EXD1: variants seen among roughly 807,000 people sequenced by gnomAD.
The protein encoded by EXD1 is exonuclease 3'-5' domain containing 1.
Under a neutral mutation model 49.1 loss-of-function variants are expected in EXD1, and 63 were observed. That is an observed-to-expected ratio of 1.28 (90% confidence interval 1.05 to 1.58). EXD1 has a LOEUF of 1.58. Among genes scored for constraint, EXD1 ranks in the 40% most tolerant of loss-of-function variants. The pLI, the probability that EXD1 is intolerant of heterozygous loss-of-function variation, is 0.00. For missense variants in EXD1, 748 were observed against 666.0 expected (o/e 1.12, Z -1.36); for synonymous variants, 234 against 239.2 (o/e 0.98, Z 0.20).
rs61738065 is a variant in EXD1, at chr15:41,230,653, C to T, written c.-228G>A. On this transcript the variant is annotated 5_prime_UTR_variant, in exon 1 of 12. Transcript: ENST00000458580. ...TCTCGGGACGCTCCACGCCACCCGGCGGCGGTTATCAAATCACAGGCTGAA... is the reference window on the plus strand; with the variant it reads ...TCTCGGGACGCTCCACGCCACCCGGTGGCGGTTATCAAATCACAGGCTGAA... 2.4e-6 allele frequency: 3 copies of T among 1,233,452 alleles called. No homozygotes were observed. Among genetic ancestry groups the T allele is most frequent in the East Asian group, 4.9e-5 (2 of 40,816 alleles). The allele number at this position is 1,233,452 out of a possible 1,614,324, so 76.4% of individuals were successfully genotyped here.
At chr15:41,196,828 A>G (rs1377894471) in intron 7 of EXD1, among the ~76,000 whole-genome samples, 3 of 151,100 alleles carry the variant, frequency 2.0e-5, no homozygotes, top group Non-Finnish European at 4.4e-5. Flanking sequence ...CAGCCTCCCA[A>G]AACTTTATTT....
intron 10 of EXD1, chr15:41,190,450 C>G (rs575585620): frequency 3.4e-6 from 1 of 296,412 alleles, no homozygotes; most frequent in East Asian, 7.1e-5. Context: ...CACTGCACTC[C>G]AGCCTGGTGA....
Position 41,209,528 on chromosome 15 carries a change from A to T in EXD1, c.507T>A (p.Cys169Ter). 1 of 1,614,194 alleles carries T rather than the reference A, an allele frequency of 6.2e-7. No homozygotes were observed. The highest frequency in any genetic ancestry group is 1.1e-5 in the South Asian group (1 of 91,080). Residue 169 changes from cysteine to a stop codon, truncating the protein, a stop_gained, in exon 7 of 12, where the codon TGT becomes TGA. Transcript: ENST00000458580. LOFTEE classifies it high-confidence loss of function. ...LSVAAEGANV[C>*]RHGKLCWLQV... Reference sequence around the variant, plus strand: ...GCAGCCAGCACAGTTTGCCATGGCGACATACATTCGCTCCTTCTGCTGCCA... The same window carrying T: ...GCAGCCAGCACAGTTTGCCATGGCGTCATACATTCGCTCCTTCTGCTGCCA...
chr15:41,186,922 G>A (rs1351724410), intron 11 of EXD1, among the ~76,000 whole-genome samples: 6 of 138,080 alleles, frequency 4.3e-5, no homozygotes, highest in African/African-American at 1.1e-4. Flanking sequence ...ATGGAGTTTC[G>A]AGCCCAGGCT....
intron 7 of EXD1, among the ~76,000 whole-genome samples, chr15:41,205,645 G>T (rs1247098444): frequency 2.0e-5 from 3 of 150,938 alleles, no homozygotes; most frequent in Non-Finnish European, 4.4e-5. Context: ...TATCACGGTG[G>T]GATGTGCCTG....
At chr15:41,224,495 T>C (rs1361045837) in intron 2 of EXD1, among the ~76,000 whole-genome samples, 1 of 152,144 alleles carries the variant, frequency 6.6e-6, no homozygotes, top group Non-Finnish European at 1.5e-5. Flanking sequence ...GGAAACTCTA[T>C]ATATTGAAGC....
intron 2 of EXD1, among the ~76,000 whole-genome samples, chr15:41,224,714 T>C (rs2047135841): frequency 6.6e-6 from 1 of 152,142 alleles, no homozygotes; most frequent in South Asian, 2.1e-4. Context: ...AACCTAGCAT[T>C]TTGGGAGGCC....
chr15:41,221,117 C>T (rs1333876920), intron 2 of EXD1, among the ~76,000 whole-genome samples: 1 of 152,112 alleles, frequency 6.6e-6, no homozygotes, highest in Non-Finnish European at 1.5e-5. Context: ...CATGCTATTT[C>T]CCTATACTCA....
chr15:41,221,191 G>A (rs1291694030), intron 2 of EXD1, among the ~76,000 whole-genome samples: 1 of 152,184 alleles, frequency 6.6e-6, no homozygotes, highest in African/African-American at 2.4e-5. Context: ...GGCTCAGAAA[G>A]TTTGAATAAC....
At position 41,191,481 on chromosome 15, in the gene EXD1, T is replaced by A. The variant is rs754928093; in HGVS notation, c.825A>T (p.Lys275Asn). ...GTCTCTTTTCTAGAAAGGAGAGATA[T>A]TTAGGGGCTACTTGAAGGTGTTTGA... ...SLIKHLQVAP[K>N]YLSFLEKRQK... Residue 275 changes from lysine (K) to asparagine (N), a missense_variant, in exon 10 of 12, where the codon AAA (lysine) becomes AAT (asparagine). Transcript: ENST00000458580. 6.2e-7 allele frequency: 1 copy of A among 1,612,742 alleles called. No individual in the cohort carries two copies. Among genetic ancestry groups the A allele is most frequent in the South Asian group, 1.1e-5 (1 of 91,044 alleles).
At chr15:41,199,736 T>TAATATATC (rs1179277323) in intron 7 of EXD1, among the ~76,000 whole-genome samples, 1 of 61,056 alleles carries the variant, frequency 1.6e-5, no homozygotes, top group Non-Finnish European at 3.1e-5. Flanking sequence ...ATATGATATA[T>TAATATATC]ATGTCATATA....
chr15:41,208,146 GA>G, intron 7 of EXD1, among the ~76,000 whole-genome samples: 1 of 152,066 alleles, frequency 6.6e-6, no homozygotes, highest in Non-Finnish European at 1.5e-5. Context: ...GTGTTACCAG[GA>G]AGTCTACTCT....
At chr15:41,191,111 AGAG>A (rs1396357648) in intron 10 of EXD1, among the ~76,000 whole-genome samples, 1 of 152,112 alleles carries the variant, frequency 6.6e-6, no homozygotes, top group African/African-American at 2.4e-5. Flanking sequence ...TATTTTTAGT[AGAG>A]GAGATTTCAC....
intron 5 of EXD1, 131 bp downstream of exon 5, chr15:41,216,537 A>G: frequency 1.1e-6 from 1 of 899,868 alleles, no homozygotes; most frequent in Non-Finnish European, 1.6e-6. Context: ...AGGCAGAGGC[A>G]GGATAATTGC....
chr15:41,194,258 A>G (rs1285046297), intron 9 of EXD1, among the ~76,000 whole-genome samples: 1 of 152,002 alleles, frequency 6.6e-6, no homozygotes, highest in Non-Finnish European at 1.5e-5. Context: ...TGATCTGCCC[A>G]CCTTGGCCTC....
intron 2 of EXD1, among the ~76,000 whole-genome samples, chr15:41,222,703 C>T (rs2047107889): frequency 6.9e-6 from 1 of 145,498 alleles, no homozygotes; most frequent in African/African-American, 2.5e-5. Flanking sequence ...CTTTGGGAGG[C>T]TGAGGCGGAA....
chr15:41,201,604 C>T (rs950846075), intron 7 of EXD1, among the ~76,000 whole-genome samples: 3 of 150,642 alleles, frequency 2.0e-5, no homozygotes, highest in African/African-American at 7.3e-5. Context: ...ATTCTCCTGT[C>T]TCAGCCTCCC....
At chr15:41,214,838 C>T (rs2046976759) in intron 6 of EXD1, among the ~76,000 whole-genome samples, 4 of 152,058 alleles carry the variant, frequency 2.6e-5, no homozygotes, top group South Asian at 2.1e-4. Flanking sequence ...CTCCGCCTCC[C>T]GAGTTCACAC....
chr15:41,204,953 A>G (rs1350464680), intron 7 of EXD1, among the ~76,000 whole-genome samples: 1 of 152,202 alleles, frequency 6.6e-6, no homozygotes, highest in Non-Finnish European at 1.5e-5. Flanking sequence ...AGACGAATCT[A>G]GACAGACAGG....
Sources: gnomAD v4.1 joint callset for allele counts (sites outside exome capture counted in the v4.1 genomes callset) on GRCh38, gnomAD v4.1.1 for gene constraint, MANE v1.5 for transcripts, NCBI Gene and HGNC (gene_info 2026-07-23, HGNC 2026-07-21) for gene names.